ERI2: variants seen among roughly 807,000 people sequenced by gnomAD.
ERI2 encodes ERI1 exoribonuclease 2.
A neutral mutation model predicts 46.8 loss-of-function variants in ERI2; 35 were observed. The ratio of observed to expected loss-of-function variants is 0.75; its 90% CI spans 0.57 to 0.99. The LOEUF (loss-of-function observed/expected upper bound fraction) is 0.99, where lower values mean the gene tolerates loss of function less well. ERI2 is among the 50% of genes least tolerant of loss of function. The pLI is 0.00. For synonymous variants in ERI2, 224 were observed against 271.0 expected, an observed-to-expected ratio of 0.83 and a Z score of 1.70; for missense variants, 695 against 796.2, an observed-to-expected ratio of 0.87 and a Z score of 1.53.
At chr16:20,780,543 A>G in exon 11 of ERI2, 3 of 1,368,266 alleles carry the variant, frequency 2.2e-6, no homozygotes, top group Middle Eastern at 2.5e-4. Context: ...TCTAGAAAGC[A>G]CCTAAAAGGA....
At chr16:20,804,208 T>C (rs2080825403) in intron 1 of ERI2, among the ~76,000 whole-genome samples, 1 of 152,108 alleles carries the variant, frequency 6.6e-6, no homozygotes, top group Non-Finnish European at 1.5e-5. Context: ...AGTAACTCAT[T>C]TGAGTTCCTA....
At chr16:20,801,067 G>A (rs1276869918) in intron 5 of ERI2, 136 bp downstream of exon 5, 5 of 656,430 alleles carry the variant, frequency 7.6e-6, no homozygotes, top group Non-Finnish European at 9.3e-6. Flanking sequence ...ACATCTGCTA[G>A]GCATTTAAAT....
At chr16:20,791,261 A>T (rs2080590791) in intron 8 of ERI2, among the ~76,000 whole-genome samples, 1 of 152,184 alleles carries the variant, frequency 6.6e-6, no homozygotes, top group Non-Finnish European at 1.5e-5. Flanking sequence ...TTGCAGAACC[A>T]ATTCTATTAT....
intron 10 of ERI2, chr16:20,785,195 T>C: frequency 6.5e-7 from 1 of 1,531,614 alleles, no homozygotes; most frequent in South Asian, 1.2e-5. Context: ...TTATGATTAT[T>C]TGAGGGATAG....
At chr16:20,793,145 A>T (rs1367802019), downstream of ERI2, among the ~76,000 whole-genome samples, 3 of 152,176 alleles carry the variant, frequency 2.0e-5, no homozygotes, top group African/African-American at 7.2e-5. Flanking sequence ...GTTAGAAGGT[A>T]TCCAATCTCA....
rs1015182297 is a variant in ERI2 at position 20,798,226 on chromosome 16, T to A, written c.1574A>T (p.His525Leu). The A allele has an allele frequency of 1.9e-6, 3 of 1,551,604 alleles. No individual in the cohort carries two copies. In the Admixed American group the frequency reaches 5.9e-5, roughly 30 times the overall value. Reference sequence around the variant, plus strand: ...TTTGGTACCACCTGAAAGAAGAGGATGTTTCCCCAAAACTAAAGGATGAGA... The same window carrying A: ...TTTGGTACCACCTGAAAGAAGAGGAAGTTTCCCCAAAACTAAAGGATGAGA... ...NMSHPLVLGK[H>L]PLLSGGTKRN... The change falls in exon 9 of 9, where the codon CAT becomes CTT. Residue 525 changes from histidine (H) to leucine (L), a missense_variant. Transcript: ENST00000357967.
At position 20,797,718 on chromosome 16, in the gene ERI2, A is replaced by G; in HGVS notation, c.*6T>C. The stretch of plus-strand genomic sequence containing the variant: ...GGAACAATTAGGATTCATACATGAA[A>G]GGTTATCAATTCCTCATTGAAGGCC... On this transcript the variant is annotated 3_prime_UTR_variant, in exon 9 of 9. Transcript: ENST00000357967. 6.5e-7 allele frequency: 1 copy of G among 1,533,046 alleles called. No homozygotes were observed. The highest frequency in any genetic ancestry group is 8.8e-7 in the Non-Finnish European group (1 of 1,139,776). 95.0% of individuals were successfully genotyped at this position (1,533,046 alleles called of 1,614,324 possible).
Position 20,790,895 on chromosome 16 carries a change from TCAC to T in ERI2, c.767_769del (p.Ser256_Asp257delinsAsn). On this transcript the variant is annotated inframe_deletion, in exon 9 of 11. Transcript: ENST00000300005. This position sits in a 1 kb window ranked among gnomAD's most constrained non-coding sequence, Gnocchi z 4.0. ...AGCATGCTGGTCCCCTGAGGCCAGA[TCAC>T]TGTTCCAGGTCCACGAAGGCAAGAG... 1 of 1,614,118 alleles carries T rather than the reference TCAC, an allele frequency of 6.2e-7. No individual in the cohort carries two copies. The highest frequency in any genetic ancestry group is 8.5e-7 in the Non-Finnish European group (1 of 1,179,980).
At chr16:20,791,062 TG>T in intron 8 of ERI2, 5 of 869,138 alleles carry the variant, frequency 5.8e-6, no homozygotes, top group Non-Finnish European at 8.9e-6. Context: ...GATGCGGGGG[TG>T]GTGGGATTAA....
downstream of ERI2, among the ~76,000 whole-genome samples, chr16:20,793,592 C>A (rs1038959179): frequency 2.6e-5 from 4 of 152,194 alleles, no homozygotes; most frequent in African/African-American, 9.6e-5. Context: ...AGAAGATACC[C>A]TGTTAAGTCC....
exon 11 of ERI2, chr16:20,780,571 T>C: frequency 6.4e-7 from 1 of 1,568,212 alleles, no homozygotes. Context: ...AGTGATGGCT[T>C]TTACCCTGTA....
chr16:20,781,843 T>C (rs2080360400), intron 10 of ERI2: 1 of 1,367,322 alleles, frequency 7.3e-7, no homozygotes, highest in Non-Finnish European at 1.0e-6. Flanking sequence ...GAGGAAGCTA[T>C]AAAATAAAAG....
chr16:20,803,905 T>A (rs926892508), intron 1 of ERI2, among the ~76,000 whole-genome samples: 2 of 152,184 alleles, frequency 1.3e-5, no homozygotes, highest in African/African-American at 4.8e-5. Context: ...TAGGTTGCAG[T>A]GCAGTGGTAT....
At chr16:20,791,165 C>T (rs1312380498) in intron 8 of ERI2, among the ~76,000 whole-genome samples, 1 of 152,190 alleles carries the variant, frequency 6.6e-6, no homozygotes, top group African/African-American at 2.4e-5. Context: ...AGAGCAAAGT[C>T]TCTATCATAT....
At chr16:20,785,236 A>G in intron 10 of ERI2, 3 of 1,314,510 alleles carry the variant, frequency 2.3e-6, no homozygotes, top group East Asian at 2.5e-5. Flanking sequence ...GTTTAAAAAA[A>G]CAATGCTTGC....
At chr16:20,789,461 A>G in intron 10 of ERI2, 1 of 1,583,094 alleles carries the variant, frequency 6.3e-7, no homozygotes, top group Non-Finnish European at 8.7e-7. Flanking sequence ...TAAGAGAGCA[A>G]GGCTGTGGCT....
rs529889933 is a variant in ERI2 at position 20,787,049 on chromosome 16, G to C, written c.894+2430C>G. On this transcript the variant is annotated intron_variant, in intron 10 of 10. Transcript: ENST00000300005. ...CACTACTACCACCTGATGCCTAGGG[G>C]GAATTCCAGTTCCCCATCAGCAAGC... Among the ~76,000 whole-genome samples the C allele has an allele frequency of 1.3e-3, 205 of 152,260 alleles. 1 individual carries two copies. The highest frequency in any genetic ancestry group is 4.7e-3 in the African/African-American group (197 of 41,538).
intron 10 of ERI2, chr16:20,786,350 C>T (rs1232681035): frequency 7.9e-6 from 9 of 1,141,718 alleles, no homozygotes; most frequent in Non-Finnish European, 1.1e-5. Flanking sequence ...TTGCAAATAC[C>T]CATATTGTAC....
rs778239725 is a variant in ERI2 at position 20,790,538 on chromosome 16, C to A, written c.815+312G>T. Reference sequence around the variant, plus strand: ...ACTTGCAAAGTTAATATTTAAGCTGCGACATTAAACAAAAATTTCCTTAAA... The same window carrying A: ...ACTTGCAAAGTTAATATTTAAGCTGAGACATTAAACAAAAATTTCCTTAAA... On this transcript the variant is annotated intron_variant, in intron 9 of 10. Coordinates refer to the ERI2 transcript ENST00000300005. This position sits in a 1 kb window ranked among gnomAD's most constrained non-coding sequence, Gnocchi z 4.0. 8.0e-5 allele frequency: 121 copies of A among 1,521,844 alleles called. No homozygotes were observed. In the East Asian group the frequency reaches 2.5e-3, roughly 32 times the overall value. 94.3% of individuals were successfully genotyped at this position (1,521,844 alleles called of 1,614,324 possible). A position where few individuals can be genotyped will look rare whatever the true frequency, so the allele number is the denominator to read the frequency against.
Sources: allele counts gnomAD v4.1 joint callset (sites outside exome capture counted in the v4.1 genomes callset), GRCh38; gene constraint gnomAD v4.1.1; non-coding constraint Gnocchi (gnomAD v3.1); transcripts MANE v1.5; gene names NCBI Gene and HGNC (gene_info 2026-07-23, HGNC 2026-07-21).